The following BNC2 variants were observed in gnomAD, a reference collection of about 807,000 sequenced individuals.
BNC2 encodes the protein basonuclin zinc finger protein 2.
BNC2 carries 20 observed loss-of-function variants against 76.3 expected under a neutral mutation model. The ratio of observed to expected loss-of-function variants is 0.26; its 90% CI spans 0.18 to 0.38. The LOEUF (loss-of-function observed/expected upper bound fraction) is 0.38. Ranked by LOEUF, BNC2 falls within the 10% of genes least tolerant of loss-of-function variation. BNC2 has a pLI of 1.00. For synonymous variants in BNC2, 582 were observed against 514.8 expected (o/e 1.13, Z -1.77); for missense variants, 1,382 against 1,399.8 (o/e 0.99, Z 0.20).
chr9:16,772,027 C>T (rs1489953806), intron 1 of BNC2, among the ~76,000 whole-genome samples: 3 of 152,166 alleles, frequency 2.0e-5, no homozygotes, highest in Non-Finnish European at 4.4e-5. Context: ...AATATGTCTG[C>T]AGCCTCAGCC....
chr9:16,645,297 T>C (rs938646195), intron 3 of BNC2, among the ~76,000 whole-genome samples: 1 of 152,208 alleles, frequency 6.6e-6, no homozygotes, highest in Non-Finnish European at 1.5e-5. Flanking sequence ...ACCTTCAAAA[T>C]GTGCACAACA....
intron 5 of BNC2, among the ~76,000 whole-genome samples, chr9:16,528,037 T>C (rs1817864464): frequency 6.6e-6 from 1 of 152,190 alleles, no homozygotes; most frequent in Admixed American, 6.5e-5. Flanking sequence ...GCCAAATGCA[T>C]CTTGTATTAT....
chr9:16,549,903 A>G (rs1818606807), intron 5 of BNC2, among the ~76,000 whole-genome samples: 1 of 152,148 alleles, frequency 6.6e-6, no homozygotes, highest in African/African-American at 2.4e-5. Context: ...AACTCCTCTA[A>G]TGTAAAAATC....
At chr9:16,555,252 T>C (rs942143088) in intron 4 of BNC2, among the ~76,000 whole-genome samples, 3 of 151,998 alleles carry the variant, frequency 2.0e-5, no homozygotes, top group Non-Finnish European at 4.4e-5. Context: ...CTCGATCTCC[T>C]GACCTCGTGA....
chr9:16,765,498 A>G (rs1451499929), intron 1 of BNC2, among the ~76,000 whole-genome samples: 1 of 152,220 alleles, frequency 6.6e-6, no homozygotes, highest in Non-Finnish European at 1.5e-5. Flanking sequence ...CCTTTTAAAT[A>G]GAAATATTTG....
At chr9:16,694,834 G>A (rs1823288500) in intron 3 of BNC2, among the ~76,000 whole-genome samples, 1 of 152,060 alleles carries the variant, frequency 6.6e-6, no homozygotes, top group Non-Finnish European at 1.5e-5. Context: ...AGAGAAAAAT[G>A]TGCAAACGCA....
At chr9:16,588,009 C>A (rs1819820656) in intron 3 of BNC2, among the ~76,000 whole-genome samples, 1 of 152,094 alleles carries the variant, frequency 6.6e-6, no homozygotes, top group Admixed American at 6.6e-5. Context: ...TCCATGAGGG[C>A]AGGATAGACA....
At chr9:16,489,381 T>C (rs1316461191) in intron 5 of BNC2, among the ~76,000 whole-genome samples, 3 of 152,230 alleles carry the variant, frequency 2.0e-5, no homozygotes, top group East Asian at 1.9e-4. Flanking sequence ...CATAGGTTTA[T>C]AGTTTATTAT....
Position 16,651,001 on chromosome 9 carries a change from G to A in BNC2, c.331-67916C>T, listed in dbSNP as rs557995100. Among the ~76,000 whole-genome samples the A allele has an allele frequency of 1.4e-4, 21 of 151,936 alleles. No homozygotes were observed. The South Asian group carries it at 3.1e-3, about 23-fold the overall frequency. On this transcript the variant is annotated intron_variant, in intron 3 of 6. Coordinates refer to ENST00000380672, the MANE Select transcript of BNC2 (RefSeq NM_017637.6). ...AAAAACAACCATTTCTATATGCCTC[G>A]GTTTCCTCACCAGAAAGGATAGTAA...
chr9:16,794,973 C>T (rs1226327523), intron 1 of BNC2, among the ~76,000 whole-genome samples: 1 of 151,998 alleles, frequency 6.6e-6, no homozygotes, highest in Non-Finnish European at 1.5e-5. Flanking sequence ...AAGGAAAATA[C>T]AAATACTCTC....
At chr9:16,781,105 T>C (rs1005543787) in intron 1 of BNC2, among the ~76,000 whole-genome samples, 10 of 152,048 alleles carry the variant, frequency 6.6e-5, no homozygotes, top group African/African-American at 2.4e-4. Flanking sequence ...TGGGATCTAA[T>C]TGTTTCATGT....
At chr9:16,667,696 T>C (rs997073648) in intron 3 of BNC2, among the ~76,000 whole-genome samples, 2 of 152,200 alleles carry the variant, frequency 1.3e-5, no homozygotes, top group Admixed American at 6.5e-5. Context: ...ACCACATTTG[T>C]AATATGAAAG....
At chr9:16,752,812 T>C (rs1825261663) in intron 1 of BNC2, among the ~76,000 whole-genome samples, 1 of 152,156 alleles carries the variant, frequency 6.6e-6, no homozygotes, top group South Asian at 2.1e-4. Context: ...GCACAGCCAA[T>C]GCTAAATGTA....
At chr9:16,732,834 C>A (rs1428680922) in intron 2 of BNC2, among the ~76,000 whole-genome samples, 2 of 152,154 alleles carry the variant, frequency 1.3e-5, no homozygotes, top group Non-Finnish European at 2.9e-5. Flanking sequence ...ATCAGCACTT[C>A]CTTATGGCGA....
intron 5 of BNC2, among the ~76,000 whole-genome samples, chr9:16,465,556 T>C (rs1264215331): frequency 3.9e-5 from 6 of 151,974 alleles, no homozygotes; most frequent in African/African-American, 1.4e-4. Flanking sequence ...AAAACAATTA[T>C]TGGGTCACAA....
intron 3 of BNC2, among the ~76,000 whole-genome samples, chr9:16,629,476 G>T (rs1448135780): frequency 1.3e-5 from 2 of 152,104 alleles, no homozygotes; most frequent in African/African-American, 2.4e-5. Flanking sequence ...TTCAGTGCTG[G>T]GCTGATCAAG....
intron 5 of BNC2, among the ~76,000 whole-genome samples, chr9:16,479,296 A>T (rs1185628685): frequency 6.6e-6 from 1 of 151,906 alleles, no homozygotes; most frequent in Non-Finnish European, 1.5e-5. Flanking sequence ...GAAAAGAAAA[A>T]ATTGGTGGTT....
chr9:16,820,024 C>G (rs1384765737), intron 1 of BNC2, among the ~76,000 whole-genome samples: 3 of 147,124 alleles, frequency 2.0e-5, no homozygotes, highest in African/African-American at 7.6e-5. Flanking sequence ...ACTCAGGAGG[C>G]TGAGGCAGGA....
At chr9:16,795,130 A>G (rs1212396649) in intron 1 of BNC2, among the ~76,000 whole-genome samples, 1 of 152,220 alleles carries the variant, frequency 6.6e-6, no homozygotes, top group Non-Finnish European at 1.5e-5. Context: ...CAATGAGAAT[A>G]AAAAGAAGGC....
Sources: allele counts gnomAD v4.1 joint callset (sites outside exome capture counted in the v4.1 genomes callset), GRCh38; gene constraint gnomAD v4.1.1; transcripts MANE v1.5; gene names NCBI Gene and HGNC (gene_info 2026-07-23, HGNC 2026-07-21).